NAALADL2: variants seen among roughly 807,000 people sequenced by gnomAD.
NAALADL2 encodes the protein inactive N-acetylated-alpha-linked acidic dipeptidase-like protein 2.
Under a neutral mutation model 87.2 loss-of-function variants are expected in NAALADL2, and 76 were observed. The ratio of observed to expected loss-of-function variants is 0.87; its 90% CI spans 0.72 to 1.05. The LOEUF is 1.05. NAALADL2 is among the 50% of genes least tolerant of loss of function. The pLI is 0.00. For synonymous variants in NAALADL2, 354 were observed against 331.0 expected, an observed-to-expected ratio of 1.07 and a Z score of -0.75; for missense variants, 1,089 against 945.8, an observed-to-expected ratio of 1.15 and a Z score of -1.99.
chr3:175,422,863 C>T (rs1476365368), intron 5 of NAALADL2, among the ~76,000 whole-genome samples: 5 of 151,436 alleles, frequency 3.3e-5, no homozygotes, highest in South Asian at 2.1e-4. Flanking sequence ...AGGAAAAATA[C>T]GTTTCTCATA....
intron 10 of NAALADL2, among the ~76,000 whole-genome samples, chr3:175,623,685 A>G (rs946249632): frequency 6.6e-6 from 1 of 152,020 alleles, no homozygotes; most frequent in Admixed American, 6.6e-5. Flanking sequence ...GCTACAACTA[A>G]ATAATATTTA....
chr3:175,072,708 G>C (rs1245627385), intron 1 of NAALADL2, among the ~76,000 whole-genome samples: 1 of 104,556 alleles, frequency 9.6e-6, no homozygotes, highest in Non-Finnish European at 1.8e-5. Context: ...GGAGGGGGGA[G>C]GGATAGCATT....
chr3:175,047,981 A>G (rs1450807617), intron 1 of NAALADL2, among the ~76,000 whole-genome samples: 1 of 152,202 alleles, frequency 6.6e-6, no homozygotes, highest in East Asian at 1.9e-4. Flanking sequence ...CTCCAATTTC[A>G]TAGCCATGTT....
At chr3:175,419,598 A>T (rs1304527935) in intron 5 of NAALADL2, among the ~76,000 whole-genome samples, 1 of 151,976 alleles carries the variant, frequency 6.6e-6, no homozygotes, top group Non-Finnish European at 1.5e-5. Context: ...GTGTGTTCTC[A>T]GAGAGACCTG....
chr3:175,465,515 C>T (rs1471703822), intron 7 of NAALADL2, among the ~76,000 whole-genome samples: 1 of 136,938 alleles, frequency 7.3e-6, no homozygotes, highest in Non-Finnish European at 1.5e-5. Context: ...TGCTCTATCA[C>T]GGGGCTGGAA....
chr3:175,370,799 T>C (rs1248606373), intron 5 of NAALADL2, among the ~76,000 whole-genome samples: 1 of 152,228 alleles, frequency 6.6e-6, no homozygotes, highest in Non-Finnish European at 1.5e-5. Context: ...GTAACTTTTT[T>C]TCTTTCATTG....
At chr3:175,113,364 G>A (rs1724531280) in intron 2 of NAALADL2, among the ~76,000 whole-genome samples, 1 of 151,514 alleles carries the variant, frequency 6.6e-6, no homozygotes, top group African/African-American at 2.4e-5. Flanking sequence ...GCCAAAATGA[G>A]AGGCACAGTA....
intron 5 of NAALADL2, among the ~76,000 whole-genome samples, chr3:175,338,454 C>T (rs1421495507): frequency 6.6e-6 from 1 of 151,834 alleles, no homozygotes; most frequent in Admixed American, 6.6e-5. Context: ...TTGGGGACAA[C>T]TTTGCCATTG....
rs115043797 is a variant in NAALADL2 at position 174,652,334 on chromosome 3, G to T, written c.-114-85307G>T. On this transcript the variant is annotated intron_variant, in intron 2 of 3. Coordinates refer to the NAALADL2 transcript ENST00000434257. ...TTATTCATAAAGTTTTCTTAAATGG[G>T]ACACTGAAAACACCAACCATAATGT... Among the ~76,000 whole-genome samples the T allele has an allele frequency of 8.8e-3, 1,332 of 151,998 alleles. 20 individuals are homozygous for T. The highest frequency in any genetic ancestry group is 0.031 in the African/African-American group (1,277 of 41,272).
intron 9 of NAALADL2, among the ~76,000 whole-genome samples, chr3:175,530,960 C>T (rs1003721044): frequency 6.6e-6 from 1 of 152,102 alleles, no homozygotes; most frequent in African/African-American, 2.4e-5. Context: ...TAGTTATCTG[C>T]AGAAGATGGC....
At chr3:174,912,106 C>T (rs1354802207) in intron 1 of NAALADL2, among the ~76,000 whole-genome samples, 2 of 151,986 alleles carry the variant, frequency 1.3e-5, no homozygotes, top group African/African-American at 2.4e-5. Context: ...CTCTCTCTGA[C>T]AATTTCTTTA....
intron 1 of NAALADL2, among the ~76,000 whole-genome samples, chr3:174,521,942 T>TA (rs971352854): frequency 1.4e-4 from 21 of 151,732 alleles, no homozygotes; most frequent in African/African-American, 4.1e-4. Flanking sequence ...AAAATTATAT[T>TA]AAAAAAAATA....
chr3:175,383,590 C>CTGTTTTGTTT (rs1019067242), intron 5 of NAALADL2, among the ~76,000 whole-genome samples: 1 of 151,876 alleles, frequency 6.6e-6, no homozygotes. Flanking sequence ...ATATATAAAT[C>CTGTTTTGTTT]TGTTTTGTTT....
intron 2 of NAALADL2, among the ~76,000 whole-genome samples, chr3:174,558,993 A>T (rs900256561): frequency 1.3e-4 from 20 of 152,118 alleles, no homozygotes; most frequent in African/African-American, 4.8e-4. Flanking sequence ...TGGGACATTC[A>T]GTTCAGAATG....
intron 5 of NAALADL2, among the ~76,000 whole-genome samples, chr3:175,351,293 A>C (rs1359290041): frequency 1.3e-5 from 2 of 152,150 alleles, no homozygotes; most frequent in Non-Finnish European, 2.9e-5. Context: ...GATCAAGTAA[A>C]TTGACACTAT....
At chr3:174,814,853 C>T (rs1487871268) in intron 3 of NAALADL2, among the ~76,000 whole-genome samples, 3 of 152,112 alleles carry the variant, frequency 2.0e-5, no homozygotes, top group African/African-American at 7.2e-5. Context: ...CCTTCGGTTG[C>T]AAGCTATGTT....
At chr3:174,992,238 C>A (rs1045436918) in intron 1 of NAALADL2, among the ~76,000 whole-genome samples, 3 of 151,930 alleles carry the variant, frequency 2.0e-5, no homozygotes, top group Admixed American at 2.0e-4. Context: ...TGAGTTTTAC[C>A]TACACACAGT....
intron 2 of NAALADL2, among the ~76,000 whole-genome samples, chr3:174,732,416 G>C (rs1367656450): frequency 6.6e-6 from 1 of 152,084 alleles, no homozygotes; most frequent in Non-Finnish European, 1.5e-5. Flanking sequence ...TTTTTGAAGG[G>C]ATGGCGAGGA....
At chr3:175,589,592 T>A (rs1242728826) in intron 10 of NAALADL2, among the ~76,000 whole-genome samples, 4 of 151,998 alleles carry the variant, frequency 2.6e-5, no homozygotes, top group Non-Finnish European at 4.4e-5. Flanking sequence ...CACGTAAACA[T>A]ACCATTACAT....
Sources: allele counts gnomAD v4.1 joint callset (sites outside exome capture counted in the v4.1 genomes callset), GRCh38; gene constraint gnomAD v4.1.1; transcripts MANE v1.5; gene names NCBI Gene and HGNC (gene_info 2026-07-23, HGNC 2026-07-21).